HDGFL3: variants seen among roughly 807,000 people sequenced by gnomAD.
HDGFL3 encodes the protein hepatoma-derived growth factor-related protein 3.
A neutral mutation model predicts 27.6 loss-of-function variants in HDGFL3; 6 were observed. The ratio of observed to expected loss-of-function variants is 0.22; its 90% CI spans 0.12 to 0.43. HDGFL3 has a LOEUF of 0.43. HDGFL3 is among the 20% of genes least tolerant of loss of function. The pLI is 1.00. For missense variants in HDGFL3, 207 were observed against 250.1 expected (o/e 0.83, Z 1.16); for synonymous variants, 88 against 88.9 (o/e 0.99, Z 0.05).
chr15:83,119,612 T>C, intron 3 of HDGFL3: 1 of 1,614,202 alleles, frequency 6.2e-7, no homozygotes, highest in Non-Finnish European at 8.5e-7. Flanking sequence ...TATGGGCACA[T>C]GATCTGCTAC....
intron 5 of HDGFL3, among the ~76,000 whole-genome samples, chr15:83,140,542 C>T (rs532180740): frequency 5.8e-5 from 8 of 138,786 alleles, no homozygotes; most frequent in African/African-American, 1.1e-4. Context: ...AGTACAGTGG[C>T]GTGATGTGAG....
chr15:83,159,260 A>G lies in HDGFL3; in HGVS notation c.162-1219T>C, dbSNP rs112779344. ...TAAACCACATCCTAAATTAATCACA[A>G]CCAAGAAAAAAAAAGAAGTTAGAAC... On this transcript the variant is annotated intron_variant, in intron 2 of 5. Coordinates refer to ENST00000299633, the MANE Select transcript of HDGFL3 (RefSeq NM_016073.4). Among the ~76,000 whole-genome samples the G allele has an allele frequency of 9.6e-3, 1,463 of 152,326 alleles. 25 individuals carry two copies. Among genetic ancestry groups the G allele is most frequent in the African/African-American group, 0.033 (1,368 of 41,564 alleles).
chr15:83,169,609 C>T (rs111799123), intron 1 of HDGFL3, among the ~76,000 whole-genome samples: 6,861 of 151,798 alleles, frequency 0.045, 219 homozygotes, highest in Non-Finnish European at 0.069. Context: ...CGAGACCAGT[C>T]TGGCCAACAT....
rs1338850158 is a variant in HDGFL3 at position 83,131,252 on chromosome 15, A to C, written c.*8018T>G. ...ACTTACTTTTACTGAAACATCTAGT[A>C]AACTCTCAAGAATCTATGCAACTTA... On this transcript the variant is annotated 3_prime_UTR_variant, in exon 6 of 6. Transcript: ENST00000299633. The C allele has an allele frequency of 6.6e-6, 1 of 152,212 alleles. No individual in the cohort carries two copies. The highest frequency in any genetic ancestry group is 1.5e-5 in the Non-Finnish European group (1 of 68,048). The allele number at this position is 152,212 out of a possible 1,614,324, so 9.4% of individuals were successfully genotyped here. A position where few individuals can be genotyped will look rare whatever the true frequency, so the allele number is the denominator to read the frequency against.
chr15:83,127,090 A>G (rs943668515), downstream of HDGFL3, among the ~76,000 whole-genome samples: 1 of 152,060 alleles, frequency 6.6e-6, no homozygotes, highest in African/African-American at 2.4e-5. Flanking sequence ...GCTACTCAGG[A>G]GGCTGAGGCA....
intron 5 of HDGFL3, among the ~76,000 whole-genome samples, chr15:83,148,630 A>T (rs1658789481): frequency 6.6e-6 from 1 of 152,048 alleles, no homozygotes; most frequent in African/African-American, 2.4e-5. Flanking sequence ...TCGAAAAAAA[A>T]AAAATAATAA....
At chr15:83,122,734 T>G in intron 3 of HDGFL3, 1 of 1,609,546 alleles carries the variant, frequency 6.2e-7, no homozygotes, top group South Asian at 1.1e-5. Flanking sequence ...GGTAACTTCT[T>G]TCTCTTTCTC....
At chr15:83,120,755 T>A (rs1330062940) in intron 3 of HDGFL3, among the ~76,000 whole-genome samples, 1 of 151,894 alleles carries the variant, frequency 6.6e-6, no homozygotes, top group Non-Finnish European at 1.5e-5. Context: ...AATCTAAACA[T>A]TTTTTTCACC....
chr15:83,161,872 G>A (rs969702709), intron 2 of HDGFL3, among the ~76,000 whole-genome samples: 1 of 152,134 alleles, frequency 6.6e-6, no homozygotes, highest in African/African-American at 2.4e-5. Flanking sequence ...TAAATGCACT[G>A]AGGATGATAT....
chr15:83,196,895 G>A (rs922838393), intron 1 of HDGFL3, among the ~76,000 whole-genome samples: 1 of 152,202 alleles, frequency 6.6e-6, no homozygotes, highest in Non-Finnish European at 1.5e-5. Context: ...TGCTGAAAAT[G>A]AGGGGGAAAG....
At chr15:83,155,388 G>C (rs1026913255) in intron 4 of HDGFL3, among the ~76,000 whole-genome samples, 4 of 152,156 alleles carry the variant, frequency 2.6e-5, no homozygotes, top group Non-Finnish European at 4.4e-5. Flanking sequence ...TAAATGCCTA[G>C]GCAACATTAG....
chr15:83,168,082 C>A (rs1020583004), intron 1 of HDGFL3, among the ~76,000 whole-genome samples: 2 of 152,044 alleles, frequency 1.3e-5, no homozygotes, highest in Non-Finnish European at 2.9e-5. Context: ...GAAATCAAGG[C>A]AGAAATAAAA....
downstream of HDGFL3, chr15:83,126,654 G>C: frequency 3.3e-6 from 3 of 922,604 alleles, no homozygotes; most frequent in Non-Finnish European, 3.4e-6. Flanking sequence ...TTGTTAAACA[G>C]CAAAGCAGCT....
chr15:83,200,016 G>C (rs565432571), intron 1 of HDGFL3, among the ~76,000 whole-genome samples: 1 of 136,890 alleles, frequency 7.3e-6, no homozygotes, highest in Non-Finnish European at 1.5e-5. Context: ...CTGCACTCCA[G>C]CCTGGGCGAC....
intron 5 of HDGFL3, among the ~76,000 whole-genome samples, chr15:83,148,524 A>C (rs1053186444): frequency 2.6e-5 from 4 of 152,084 alleles, no homozygotes; most frequent in African/African-American, 9.7e-5. Context: ...TGGGAGGCTG[A>C]GGCAGGAGAA....
intron 1 of HDGFL3, among the ~76,000 whole-genome samples, chr15:83,166,665 T>A (rs2037175419): frequency 6.6e-6 from 1 of 152,212 alleles, no homozygotes; most frequent in African/African-American, 2.4e-5. Flanking sequence ...TTCTGCAGGC[T>A]GTACAGCAAG....
intron 3 of HDGFL3, among the ~76,000 whole-genome samples, chr15:83,122,269 G>C (rs2035331719): frequency 6.6e-6 from 1 of 152,152 alleles, no homozygotes; most frequent in South Asian, 2.1e-4. Context: ...GAGGGAGTGA[G>C]TATGGTGTTT....
intron 1 of HDGFL3, among the ~76,000 whole-genome samples, chr15:83,187,467 T>C (rs1043895328): frequency 6.6e-5 from 10 of 152,208 alleles, no homozygotes; most frequent in Non-Finnish European, 1.0e-4. Flanking sequence ...TGCAGTCAAT[T>C]GCCATAAATT....
intron 1 of HDGFL3, among the ~76,000 whole-genome samples, chr15:83,200,067 GGT>G (rs2151422716): frequency 7.3e-6 from 1 of 137,316 alleles, no homozygotes; most frequent in African/African-American, 2.8e-5. Flanking sequence ...AAAAAGGCCA[GGT>G]GTGGTGGCTT....
Sources: allele counts gnomAD v4.1 joint callset (sites outside exome capture counted in the v4.1 genomes callset), GRCh38; gene constraint gnomAD v4.1.1; transcripts MANE v1.5; gene names NCBI Gene and HGNC (gene_info 2026-07-23, HGNC 2026-07-21).